Variants in ZNF507 observed in about 807,000 individuals in gnomAD.
The protein encoded by ZNF507 is zinc finger protein 507.
In ZNF507, 29 loss-of-function variants were observed where a neutral mutation model predicts 80.0. The observed-to-expected ratio is 0.36, with a 90% CI of 0.27 to 0.49. The LOEUF is 0.49. Ranked by LOEUF, ZNF507 falls within the 20% of genes least tolerant of loss-of-function variation. ZNF507 has a pLI of 0.98. For missense variants in ZNF507, 1,081 were observed against 1,152.2 expected (o/e 0.94, Z 0.90); for synonymous variants, 462 against 422.5 (o/e 1.09, Z -1.15).
chr19:32,367,136 G>A (rs910615302), intron 5 of ZNF507, among the ~76,000 whole-genome samples: 3 of 152,136 alleles, frequency 2.0e-5, no homozygotes, highest in African/African-American at 4.8e-5. Flanking sequence ...GAGGTGAAGC[G>A]GGAGCAGATA....
intron 4 of ZNF507, chr19:32,359,201 TA>T (rs1361463861): frequency 6.6e-6 from 1 of 151,926 alleles, no homozygotes; most frequent in Admixed American, 6.6e-5. Context: ...ACTTAGATTA[TA>T]ATTATGATTA....
intron 5 of ZNF507, among the ~76,000 whole-genome samples, chr19:32,364,252 G>A (rs1430603470): frequency 6.6e-6 from 1 of 152,128 alleles, no homozygotes; most frequent in Non-Finnish European, 1.5e-5. Context: ...GCCTACCAAT[G>A]CAGCTATTAA....
intron 5 of ZNF507, among the ~76,000 whole-genome samples, chr19:32,361,029 G>C (rs1297135245): frequency 6.6e-6 from 1 of 152,142 alleles, no homozygotes; most frequent in Non-Finnish European, 1.5e-5. Context: ...ATAGGAAATT[G>C]TCTTTATCTG....
rs113559426 is a variant in ZNF507 at position 32,385,439 on chromosome 19, A to G, written c.*2356A>G. 6.6e-6 allele frequency: 1 copy of G among 152,214 alleles called. No homozygotes were observed. The highest frequency in any genetic ancestry group is 1.5e-5 in the Non-Finnish European group (1 of 68,040). 9.4% of individuals were successfully genotyped at this position (152,214 alleles called of 1,614,324 possible). A position where few individuals can be genotyped will look rare whatever the true frequency, so the allele number is the denominator to read the frequency against. ...TTTTGTGGCAAGCCTTAAGTTAACAATGTGTCTACCAAGAACAATTGAGTT... is the reference window on the plus strand; with the variant it reads ...TTTTGTGGCAAGCCTTAAGTTAACAGTGTGTCTACCAAGAACAATTGAGTT... On this transcript the variant is annotated 3_prime_UTR_variant, in exon 7 of 7. Coordinates refer to ENST00000355898, the MANE Select transcript of ZNF507 (RefSeq NM_001136156.2).
rs1361758341 is a variant in ZNF507 at position 32,384,291 on chromosome 19, G to A, written c.*1208G>A. ...GACATATGGAAAACCAACACAAAGT[G>A]CTTTAGCATTAAAACTCACCATCAA... On this transcript the variant is annotated 3_prime_UTR_variant, in exon 7 of 7. Transcript: ENST00000355898. The A allele has an allele frequency of 6.6e-6, 1 of 152,166 alleles. No individual in the cohort carries two copies. Among genetic ancestry groups the A allele is most frequent in the Non-Finnish European group, 1.5e-5 (1 of 68,022 alleles). The allele number at this position is 152,166 out of a possible 1,614,324, so 9.4% of individuals were successfully genotyped here.
Position 32,354,908 on chromosome 19 carries a change from A to G in ZNF507, c.2078A>G (p.Lys693Arg). 6.2e-7 allele frequency: 1 copy of G among 1,614,038 alleles called. No homozygotes were observed. The highest frequency in any genetic ancestry group is 8.5e-7 in the Non-Finnish European group (1 of 1,179,974). ...GAGAGTCACATGATCCACCACTGTAAGACAAGAATATACCAGTGCAAGCAG... is the reference window on the plus strand; with the variant it reads ...GAGAGTCACATGATCCACCACTGTAGGACAAGAATATACCAGTGCAAGCAG... ...DLESHMIHHC[K>R]TRIYQCKQCE... Residue 693 changes from lysine to arginine, a missense_variant, in exon 3 of 7, where the codon AAG becomes AGG. Lys to Arg is a conservative substitution (Grantham distance 26). This residue lies in a region of ZNF507 where 614 missense variants were observed against 583.9 expected (regional missense o/e 1.05). Transcript: ENST00000355898.
Position 32,353,919 on chromosome 19 carries a change from A to G in ZNF507, c.1089A>G (p.Glu363=), listed in dbSNP as rs1338998805. Residue 363 remains glutamate, a synonymous_variant, in exon 3 of 7, where the codon GAA becomes GAG. Transcript: ENST00000355898. ...TLDPNEEEML[E]VISDAEENLI... ...ACCCCAATGAGGAAGAAATGCTAGA[A>G]GTGATTTCTGATGCAGAGGAGAATC... 6.2e-7 allele frequency: 1 copy of G among 1,614,160 alleles called. No individual in the cohort carries two copies. Among genetic ancestry groups the G allele is most frequent in the East Asian group, 2.2e-5 (1 of 44,880 alleles).
intron 4 of ZNF507, chr19:32,359,627 C>T (rs1304173483): frequency 6.6e-6 from 1 of 152,220 alleles, no homozygotes; most frequent in Non-Finnish European, 1.5e-5. Flanking sequence ...CTTACCCCAA[C>T]TTGAATTACT....
At chr19:32,375,127 A>G (rs1459496031) in intron 5 of ZNF507, among the ~76,000 whole-genome samples, 1 of 152,198 alleles carries the variant, frequency 6.6e-6, no homozygotes, top group South Asian at 2.1e-4. Context: ...ATGACCTTGA[A>G]TCTAATGAAA....
chr19:32,357,548 A>C (rs189974829), intron 4 of ZNF507: 2 of 152,336 alleles, frequency 1.3e-5, no homozygotes, highest in Admixed American at 1.3e-4. Flanking sequence ...ATACCCCAGA[A>C]AGCATAACTG....
chr19:32,349,292 C>G (rs1967132866), intron 2 of ZNF507, among the ~76,000 whole-genome samples: 1 of 152,172 alleles, frequency 6.6e-6, no homozygotes, highest in South Asian at 2.1e-4. Context: ...GATGTAATCC[C>G]TCTGACAGAG....
chr19:32,346,547 A>G (rs1205903225), intron 1 of ZNF507, among the ~76,000 whole-genome samples: 8 of 152,190 alleles, frequency 5.3e-5, no homozygotes, highest in Non-Finnish European at 8.8e-5. Flanking sequence ...TATGGGTTGC[A>G]TTATTGATTA....
chr19:32,351,499 GTT>G (rs1967165715), intron 2 of ZNF507, among the ~76,000 whole-genome samples: 4 of 106,850 alleles, frequency 3.7e-5, no homozygotes, highest in East Asian at 3.1e-4. Flanking sequence ...CTGTTTTTGT[GTT>G]TGTGTATATG....
intron 3 of ZNF507, 72 bp from the exon 4 acceptor site, chr19:32,356,544 G>A: frequency 9.2e-7 from 1 of 1,081,110 alleles, no homozygotes; most frequent in Non-Finnish European, 1.4e-6. Context: ...CAATGAACCT[G>A]TTCTTCTACA....
At chr19:32,366,482 T>G (rs1967400731) in intron 5 of ZNF507, among the ~76,000 whole-genome samples, 1 of 152,242 alleles carries the variant, frequency 6.6e-6, no homozygotes, top group Non-Finnish European at 1.5e-5. Flanking sequence ...TTCTACTTTA[T>G]GTTCAGATTT....
At chr19:32,371,027 C>T (rs1304399069) in intron 5 of ZNF507, among the ~76,000 whole-genome samples, 1 of 152,188 alleles carries the variant, frequency 6.6e-6, no homozygotes, top group Non-Finnish European at 1.5e-5. Context: ...GTCAAATATT[C>T]ATTGACTGTG....
chr19:32,378,661 G>A lies in ZNF507; in HGVS notation c.2361-3806G>A, dbSNP rs561515200. Among the ~76,000 whole-genome samples the A allele has an allele frequency of 4.0e-5, 6 of 150,198 alleles. No homozygotes were observed. The South Asian group carries it at 8.4e-4, about 21-fold the overall frequency. The stretch of plus-strand genomic sequence containing the variant: ...AAGCTTTTTTTTTTTAAAAAAAAAA[G>A]GGAAAACAGTAAACAATAGCTCATC... On this transcript the variant is annotated intron_variant, in intron 5 of 6. Coordinates refer to ENST00000355898, the MANE Select transcript of ZNF507 (RefSeq NM_001136156.2).
intron 1 of ZNF507, among the ~76,000 whole-genome samples, chr19:32,346,794 G>C (rs1165807365): frequency 1.3e-5 from 2 of 152,234 alleles, no homozygotes; most frequent in African/African-American, 4.8e-5. Flanking sequence ...AACTGCGTTA[G>C]AAGATATATA....
At chr19:32,348,462 ATAC>A (rs1291924444) in intron 2 of ZNF507, among the ~76,000 whole-genome samples, 1 of 152,230 alleles carries the variant, frequency 6.6e-6, no homozygotes, top group Non-Finnish European at 1.5e-5. Context: ...CATGATGACC[ATAC>A]TACTGTAATT....
Sources: allele counts gnomAD v4.1 joint callset (sites outside exome capture counted in the v4.1 genomes callset), GRCh38; gene constraint gnomAD v4.1.1; regional missense constraint gnomAD v4.1.1; transcripts MANE v1.5; gene names NCBI Gene and HGNC (gene_info 2026-07-23, HGNC 2026-07-21).